The following CASKIN1 variants were observed in gnomAD, a reference collection of about 807,000 sequenced individuals.
CASKIN1 encodes the protein caskin-1.
Under a neutral mutation model 117.5 loss-of-function variants are expected in CASKIN1, and 42 were observed. The observed-to-expected ratio is 0.36, with a 90% CI of 0.28 to 0.46. The LOEUF (loss-of-function observed/expected upper bound fraction) is 0.46. Ranked by LOEUF, CASKIN1 falls within the 20% of genes least tolerant of loss-of-function variation. The pLI, the probability that CASKIN1 is intolerant of heterozygous loss-of-function variation, is 1.00. For missense variants in CASKIN1, 2,083 were observed against 2,077.3 expected (o/e 1.00, Z -0.05); for synonymous variants, 1,148 against 961.7 (o/e 1.19, Z -3.59).
intron 2 of CASKIN1, 24 bp from the exon 3 acceptor site, chr16:2,190,194 G>A: frequency 6.2e-7 from 1 of 1,612,058 alleles, no homozygotes; most frequent in Non-Finnish European, 8.5e-7. Context: ...AGGACACATA[G>A]AGCAGAGGCC....
chr16:2,186,868 G>A lies in CASKIN1; in HGVS notation c.931-44C>T, dbSNP rs377626669. 302 of 1,605,934 alleles carry A rather than the reference G, an allele frequency of 1.9e-4. 3 individuals carry two copies. The South Asian group carries it at 2.6e-3, about 14-fold the overall frequency. ...GGCGCTCAGGGAGATGCCCCCTTTC[G>A]CAGAGTCTCCTGCCCAGTGCCCCCC... On this transcript the variant is annotated intron_variant, in intron 9 of 19. Transcript: ENST00000343516.
chr16:2,181,819 G>C lies in CASKIN1; in HGVS notation c.1740C>G (p.Asp580Glu). 6.2e-7 allele frequency: 1 copy of C among 1,613,658 alleles called. No individual in the cohort carries two copies. Among genetic ancestry groups the C allele is most frequent in the Middle Eastern group, 1.6e-4 (1 of 6,062 alleles). ...IDFITDITWE[D>E]LQEIGITKLG... The stretch of plus-strand genomic sequence containing the variant: ...GCTTGGTGATGCCGATCTCCTGCAG[G>C]TCCTCCCAGGTGATGTCGGTGATGA... Residue 580 changes from aspartate (D) to glutamate (E), a missense_variant, in exon 17 of 20, where the codon GAC (aspartate) becomes GAG (glutamate). This residue lies in a region of CASKIN1 where 1,818 missense variants were observed against 1,688.9 expected (regional missense o/e 1.08). Coordinates refer to ENST00000343516, the MANE Select transcript of CASKIN1 (RefSeq NM_020764.4).
At position 2,189,077 on chromosome 16, in the gene CASKIN1, G is replaced by A. The variant is rs748295742; in HGVS notation, c.567C>T (p.Gly189=). ...PRPGDATDPN[G]TSPLHLAAKN... ...TAGCTGCGAGGTGCAAAGGGCTGGT[G>A]CCGTTGGGGTCGGTGGCGTCTCCCG... Residue 189 remains glycine, a synonymous_variant, in exon 6 of 20, where the codon GGC becomes GGT. Coordinates refer to ENST00000343516, the MANE Select transcript of CASKIN1 (RefSeq NM_020764.4). 3 of 1,613,608 alleles carry A rather than the reference G, an allele frequency of 1.9e-6. No homozygotes were observed. Among genetic ancestry groups the A allele is most frequent in the Middle Eastern group, 1.6e-4 (1 of 6,078 alleles).
intron 10 of CASKIN1, among the ~76,000 whole-genome samples, chr16:2,186,189 G>A (rs915792568): frequency 6.6e-6 from 1 of 152,176 alleles, no homozygotes; most frequent in East Asian, 1.9e-4. Flanking sequence ...GGCTGATCTC[G>A]AACTCCTGGG....
intron 1 of CASKIN1, among the ~76,000 whole-genome samples, chr16:2,194,410 G>C (rs1484453513): frequency 6.6e-6 from 1 of 152,100 alleles, no homozygotes; most frequent in Non-Finnish European, 1.5e-5. Context: ...GCGAGTCGGG[G>C]GCTGGCTGAG....
intron 1 of CASKIN1, among the ~76,000 whole-genome samples, chr16:2,192,106 A>G (rs2141328409): frequency 6.6e-6 from 1 of 152,278 alleles, no homozygotes; most frequent in East Asian, 1.9e-4. Flanking sequence ...AGCCTGGCCA[A>G]CATAGCAAGA....
rs762450006 is a variant in CASKIN1, at chr16:2,179,867, C to T, written c.3501G>A (p.Leu1167=). The T allele has an allele frequency of 8.7e-6, 14 of 1,606,662 alleles. No individual in the cohort carries two copies. In the East Asian group the frequency reaches 3.1e-4, roughly 36 times the overall value. ...REAGPEPPPP[L]SVYHNGTGTV... is the part of the protein sequence containing the mutation. ...TGCCAGTGCCATTATGGTACACGGA[C>T]AGTGGCGGTGGTGGCTCAGGCCCGG... Residue 1167 remains leucine, a synonymous_variant, in exon 18 of 20, where the codon CTG becomes CTA. Coordinates refer to ENST00000343516, the MANE Select transcript of CASKIN1 (RefSeq NM_020764.4). This position sits in a 1 kb window ranked among gnomAD's most constrained non-coding sequence, Gnocchi z 5.8.
chr16:2,177,306 C>T lies in CASKIN1; in HGVS notation c.*1244G>A. 4.3e-6 allele frequency: 1 copy of T among 234,866 alleles called. No homozygotes were observed. Among genetic ancestry groups the T allele is most frequent in the Non-Finnish European group, 8.4e-6 (1 of 118,970 alleles). 14.5% of individuals were successfully genotyped at this position (234,866 alleles called of 1,614,324 possible). Reference sequence around the variant, plus strand: ...CTGGGGGGACAGCTGGGCACGTCCACTCGCAGGGAAACACGGGGTGAGACA... The same window carrying T: ...CTGGGGGGACAGCTGGGCACGTCCATTCGCAGGGAAACACGGGGTGAGACA... On this transcript the variant is annotated 3_prime_UTR_variant, in exon 20 of 20. Transcript: ENST00000343516.
At chr16:2,186,613 C>A (rs2093185518) in intron 10 of CASKIN1, 94 bp downstream of exon 10, 2 of 1,121,950 alleles carry the variant, frequency 1.8e-6, no homozygotes, top group Non-Finnish European at 1.3e-6. Context: ...AGAAACCCAG[C>A]CCTGCTGGGC....
Position 2,184,808 on chromosome 16 carries a change from G to A in CASKIN1, c.1385C>T (p.Pro462Leu). The A allele has an allele frequency of 2.6e-6, 4 of 1,537,366 alleles. No individual in the cohort carries two copies. The highest frequency in any genetic ancestry group is 3.5e-6 in the Non-Finnish European group (4 of 1,141,688). Residue 462 changes from proline (P) to leucine (L), a missense_variant, in exon 14 of 20, where the codon CCC (proline) becomes CTC (leucine). Physicochemically the swap from Pro to Leu is moderately conservative, Grantham distance 98 (BLOSUM62 -3). Transcript: ENST00000343516. ...CTCCGATGCTGGCTCCAGCTTCTTG[G>A]GCGGCTGCTCCCCATAGACCTGCCC... ...HAGQVYGEQP[P>L]KKLEPASEGK...
rs959467550 is a variant in CASKIN1, at chr16:2,182,106, G to A, written c.1630-177C>T. Among the ~76,000 whole-genome samples the A allele has an allele frequency of 1.1e-4, 16 of 152,146 alleles. No individual in the cohort carries two copies. The highest frequency in any genetic ancestry group is 3.4e-4 in the African/African-American group (14 of 41,406). On this transcript the variant is annotated intron_variant, in intron 16 of 19. Coordinates refer to ENST00000343516, the MANE Select transcript of CASKIN1 (RefSeq NM_020764.4). The surrounding 1 kb of genome is among the most constrained non-coding windows in gnomAD (Gnocchi z 4.1). ...TAGGCAGAGCCTCGGCTCAGGCACC[G>A]GACACTGCATGCCGCATATCGCACA...
rs2093155696 is a variant in CASKIN1, at chr16:2,178,886, C to T, written c.4199+16G>A. 2 of 1,432,544 alleles carry T rather than the reference C, an allele frequency of 1.4e-6. No homozygotes were observed. Among genetic ancestry groups the T allele is most frequent in the Non-Finnish European group, 1.8e-6 (2 of 1,102,462 alleles). The allele number at this position is 1,432,544 out of a possible 1,614,324, so 88.7% of individuals were successfully genotyped here. The stretch of plus-strand genomic sequence containing the variant: ...GAGCCCCGCCCTCCGCCCGCCAGGC[C>T]CCGCCCCGCACCTACCGCGGGCCCT... On this transcript the variant is annotated intron_variant, in intron 19 of 19. Coordinates refer to ENST00000343516, the MANE Select transcript of CASKIN1 (RefSeq NM_020764.4).
rs1275751665 is a variant in CASKIN1, at chr16:2,187,195, G to C, written c.806C>G (p.Ala269Gly). The change falls in exon 8 of 20, where the codon GCC becomes GGC. Residue 269 changes from alanine (A) to glycine (G), a missense_variant. By Grantham distance (60) the Ala-to-Gly change is moderately conservative. Transcript: ENST00000343516. ...CAACAGCTGCTTGATCTCCCTGCTG[G>C]CCTGGGACGTGGTGAACTGGTGCAC... ...DIVHQFTTSQ[A>G]SREIKQLLRE... is the part of the protein sequence containing the mutation. 6.2e-7 allele frequency: 1 copy of C among 1,613,868 alleles called. No homozygotes were observed. Among genetic ancestry groups the C allele is most frequent in the Non-Finnish European group, 8.5e-7 (1 of 1,179,986 alleles).
At chr16:2,189,826 G>A (rs1305197481) in intron 3 of CASKIN1, among the ~76,000 whole-genome samples, 1 of 151,906 alleles carries the variant, frequency 6.6e-6, no homozygotes, top group Admixed American at 6.6e-5. Flanking sequence ...AACCCTGGGA[G>A]GTGGGGGGAA....
Position 2,196,453 on chromosome 16 carries a change from G to T in CASKIN1, c.-21C>A. On this transcript the variant is annotated 5_prime_UTR_variant, in exon 1 of 20. Transcript: ENST00000343516. The surrounding 1 kb of genome is among the most constrained non-coding windows in gnomAD (Gnocchi z 5.7). ...CCCATGGCGCGGCCGGGGCCGCAGC[G>T]ACGCGGCTGCGCTCGTGAGCTCGGC... 2 of 1,200,354 alleles carry T rather than the reference G, an allele frequency of 1.7e-6. No individual in the cohort carries two copies. The highest frequency in any genetic ancestry group is 4.0e-5 in the South Asian group (2 of 49,648). 74.4% of individuals were successfully genotyped at this position (1,200,354 alleles called of 1,614,324 possible).
chr16:2,179,220 C>G lies in CASKIN1; in HGVS notation c.3881G>C (p.Ser1294Thr). 8.5e-7 allele frequency: 1 copy of G among 1,179,644 alleles called. No individual in the cohort carries two copies. Among genetic ancestry groups the G allele is most frequent in the East Asian group, 3.8e-5 (1 of 26,570 alleles). The allele number at this position is 1,179,644 out of a possible 1,614,324, so 73.1% of individuals were successfully genotyped here. A position where few individuals can be genotyped will look rare whatever the true frequency, so the allele number is the denominator to read the frequency against. The change falls in exon 19 of 20, where the codon AGC becomes ACC. Residue 1294 changes from serine to threonine, a missense_variant. Ser to Thr is a moderately conservative substitution (Grantham distance 58). Transcript: ENST00000343516. The surrounding 1 kb of genome is among the most constrained non-coding windows in gnomAD (Gnocchi z 5.8). Reference sequence around the variant, plus strand: ...CGAGGGTGCGGGTGAAGGGCCGGCGCTGCCCGAAGGCAGCCCCGCGACCGC... The same window carrying G: ...CGAGGGTGCGGGTGAAGGGCCGGCGGTGCCCGAAGGCAGCCCCGCGACCGC... ...VKAVAGLPSG[S>T]AGPSPAPSPA...
In CASKIN1 at chr16:2,189,307, A is replaced by G; in HGVS notation, c.417T>C (p.Ser139=). 6.2e-7 allele frequency: 1 copy of G among 1,613,214 alleles called. No individual in the cohort carries two copies. The highest frequency in any genetic ancestry group is 1.7e-5 in the Admixed American group (1 of 60,016). The change falls in exon 5 of 20, where the codon TCT becomes TCC. Residue 139 remains serine (S), a synonymous_variant. Coordinates refer to ENST00000343516, the MANE Select transcript of CASKIN1 (RefSeq NM_020764.4). ...DVSEMLLQHQ[S]NPCMVDNSGK... is the part of the protein sequence containing the mutation. Reference sequence around the variant, plus strand: ...CCGAGTTGTCCACCATGCACGGGTTAGACTGGTGCTGTAGCAGCATCTCAG... The same window carrying G: ...CCGAGTTGTCCACCATGCACGGGTTGGACTGGTGCTGTAGCAGCATCTCAG...
At chr16:2,192,843 G>A (rs2093204874) in intron 1 of CASKIN1, among the ~76,000 whole-genome samples, 3 of 152,232 alleles carry the variant, frequency 2.0e-5, no homozygotes, top group Non-Finnish European at 4.4e-5. Flanking sequence ...AGGAATCCTC[G>A]GTGGCTAAAA....
At position 2,183,730 on chromosome 16, in the gene CASKIN1, A is replaced by G; in HGVS notation, c.1545T>C (p.Gly515=). 6.2e-7 allele frequency: 1 copy of G among 1,613,192 alleles called. No homozygotes were observed. Among genetic ancestry groups the G allele is most frequent in the Non-Finnish European group, 8.5e-7 (1 of 1,179,948 alleles). ...TCTTCCGGTGGCCCGGCTTGGTGAC[A>G]CCAATGGCCGTGAGGTCCTAGGCAG... is the stretch of plus-strand genomic sequence containing the variant. ...RMTPEDLTAI[G]VTKPGHRKKI... The change falls in exon 16 of 20, where the codon GGT becomes GGC. Residue 515 remains glycine (G), a synonymous_variant. Transcript: ENST00000343516.
Sources: gnomAD v4.1 joint callset for allele counts (sites outside exome capture counted in the v4.1 genomes callset) on GRCh38, gnomAD v4.1.1 for gene constraint, gnomAD v4.1.1 regional missense constraint, Gnocchi (gnomAD v3.1) non-coding constraint, MANE v1.5 for transcripts, NCBI Gene and HGNC (gene_info 2026-07-23, HGNC 2026-07-21) for gene names.